MSR1: variants seen among roughly 807,000 people sequenced by gnomAD.
MSR1 encodes the protein macrophage scavenger receptor 1, also known as macrophage scavenger receptor types I and II.
Under a neutral mutation model 47.2 loss-of-function variants are expected in MSR1, and 53 were observed. The ratio of observed to expected loss-of-function variants is 1.12; its 90% confidence interval spans 0.90 to 1.41. The LOEUF (loss-of-function observed/expected upper bound fraction) is 1.41, where lower values mean the gene tolerates loss of function less well. Among genes scored for constraint, MSR1 ranks in the 40% most tolerant of loss-of-function variants. The probability of loss-of-function intolerance (pLI) is 0.00; values close to 1 mark genes in which losing one functional copy is unlikely to be tolerated. For missense variants in MSR1, 786 were observed against 546.9 expected (o/e 1.44, Z -4.36); for synonymous variants, 239 against 185.6 (o/e 1.29, Z -2.34).
At chr8:16,123,340 A>G (rs558015284) in intron 8 of MSR1, among the ~76,000 whole-genome samples, 1 of 152,282 alleles carries the variant, frequency 6.6e-6, no homozygotes, top group Non-Finnish European at 1.5e-5. Context: ...TTCACCTACT[A>G]TTCAACTGCT....
chr8:16,120,654 C>G, intron 8 of MSR1, 48 bp from the exon 9 acceptor site: 1 of 1,512,360 alleles, frequency 6.6e-7, no homozygotes. Context: ...CAAGCAAGGA[C>G]TAATTATGTA....
At chr8:16,121,406 T>C (rs1338011453) in intron 8 of MSR1, among the ~76,000 whole-genome samples, 1 of 152,052 alleles carries the variant, frequency 6.6e-6, no homozygotes, top group Non-Finnish European at 1.5e-5. Flanking sequence ...AAGATTTACA[T>C]AAATATGAAA....
At chr8:16,125,092 G>A (rs1435488473) in intron 8 of MSR1, among the ~76,000 whole-genome samples, 1 of 152,098 alleles carries the variant, frequency 6.6e-6, no homozygotes, top group East Asian at 1.9e-4. Context: ...AGCTTTTGGT[G>A]GGAGGCTCTG....
In MSR1 at chr8:16,108,820, A is replaced by G. The variant is rs180735560; in HGVS notation, c.*1265T>C. ...TTATTATGTGTGGTGAGACTTCAGA[A>G]TATGAAAAAATGCTTAAGCTTATGC... is the stretch of plus-strand genomic sequence containing the variant. On this transcript the variant is annotated 3_prime_UTR_variant, in exon 10 of 10. Coordinates refer to ENST00000262101, the MANE Select transcript of MSR1 (RefSeq NM_138715.3). 284 of 152,298 alleles carry G rather than the reference A, an allele frequency of 1.9e-3. No homozygotes were observed. The highest frequency in any genetic ancestry group is 6.0e-3 in the African/African-American group (249 of 41,582). The allele number at this position is 152,298 out of a possible 1,614,324, so 9.4% of individuals were successfully genotyped here.
At chr8:16,148,496 A>G (rs1250469247) in intron 7 of MSR1, among the ~76,000 whole-genome samples, 2 of 148,952 alleles carry the variant, frequency 1.3e-5, no homozygotes, top group Non-Finnish European at 3.0e-5. Flanking sequence ...TCTCACTGTT[A>G]CCCAGGCTGG....
At chr8:16,190,161 G>A (rs1802158115) in intron 1 of MSR1, among the ~76,000 whole-genome samples, 4 of 152,140 alleles carry the variant, frequency 2.6e-5, no homozygotes, top group Admixed American at 2.6e-4. Context: ...GCCTCCCAAA[G>A]TGCTGGGATT....
chr8:16,163,536 C>CTA (rs1209068358), intron 5 of MSR1, among the ~76,000 whole-genome samples: 1 of 150,812 alleles, frequency 6.6e-6, no homozygotes, highest in African/African-American at 2.4e-5. Flanking sequence ...AACTGAAAGC[C>CTA]TATATATATA....
chr8:16,135,702 T>A (rs1005485533), intron 8 of MSR1, among the ~76,000 whole-genome samples: 4 of 152,212 alleles, frequency 2.6e-5, no homozygotes, highest in African/African-American at 7.2e-5. Context: ...CAAAGTAAAT[T>A]GAAAACTTTT....
At chr8:16,169,351 A>T (rs1801415857) in intron 3 of MSR1, among the ~76,000 whole-genome samples, 1 of 152,160 alleles carries the variant, frequency 6.6e-6, no homozygotes, top group Admixed American at 6.5e-5. Context: ...CATAATATGG[A>T]TAAATTGTTG....
chr8:16,166,326 T>TG lies in MSR1; in HGVS notation c.631-2076_631-2075insC, dbSNP rs1315917356. Among the ~76,000 whole-genome samples the TG allele has an allele frequency of 1.4e-4, 20 of 147,894 alleles. 1 individual carries two copies. In the East Asian group the frequency reaches 3.6e-3, roughly 26 times the overall value. On this transcript the variant is annotated intron_variant, in intron 4 of 9. Coordinates refer to ENST00000262101, the MANE Select transcript of MSR1 (RefSeq NM_138715.3). Reference sequence around the variant, plus strand: ...GTGCACACTACCACACCTGACTAATTTTTTTTTTTTTAATTTTGTAGAGAT... The same window carrying TG: ...GTGCACACTACCACACCTGACTAATTGTTTTTTTTTTTAATTTTGTAGAGAT...
intron 9 of MSR1, among the ~76,000 whole-genome samples, chr8:16,115,852 T>C (rs1454249343): frequency 1.3e-5 from 2 of 151,992 alleles, no homozygotes; most frequent in Non-Finnish European, 2.9e-5. Context: ...GCCAGGTATG[T>C]GGTGCAGGCC....
At chr8:16,131,399 A>C (rs1423425744) in intron 8 of MSR1, among the ~76,000 whole-genome samples, 2 of 145,176 alleles carry the variant, frequency 1.4e-5, no homozygotes, top group African/African-American at 5.2e-5. Context: ...ATAGTTTGCA[A>C]ATATTTTCTC....
chr8:16,130,742 T>G (rs879624312), intron 8 of MSR1, among the ~76,000 whole-genome samples: 2 of 151,980 alleles, frequency 1.3e-5, no homozygotes, highest in African/African-American at 2.4e-5. Flanking sequence ...TGTTTGGTTT[T>G]CTGCTTGTGT....
intron 2 of MSR1, 93 bp from the exon 3 acceptor site, chr8:16,175,393 C>A: frequency 9.8e-7 from 1 of 1,024,604 alleles, no homozygotes; most frequent in Non-Finnish European, 1.5e-6. Context: ...TTCTTACTAC[C>A]AAGCCTATTG....
intron 5 of MSR1, among the ~76,000 whole-genome samples, chr8:16,158,208 C>A (rs1001671857): frequency 3.3e-5 from 5 of 151,906 alleles, no homozygotes; most frequent in Non-Finnish European, 5.9e-5. Context: ...TTTCCAATTA[C>A]AGTTACAGGA....
intron 8 of MSR1, among the ~76,000 whole-genome samples, chr8:16,137,078 G>C (rs1443189865): frequency 1.3e-5 from 2 of 152,030 alleles, no homozygotes; most frequent in South Asian, 2.1e-4. Context: ...AGAGACATTG[G>C]AGCAGCCAAA....
At chr8:16,146,428 T>A (rs945728469) in intron 7 of MSR1, among the ~76,000 whole-genome samples, 1 of 151,994 alleles carries the variant, frequency 6.6e-6, no homozygotes, top group Non-Finnish European at 1.5e-5. Context: ...CTCTTCCTCC[T>A]CCTCTGCATA....
chr8:16,134,201 T>C (rs1052597699), intron 8 of MSR1, among the ~76,000 whole-genome samples: 2 of 152,174 alleles, frequency 1.3e-5, no homozygotes, highest in African/African-American at 4.8e-5. Flanking sequence ...CTTGGTTCCA[T>C]TTTAGCAATA....
chr8:16,157,261 A>G (rs556540822), intron 5 of MSR1, among the ~76,000 whole-genome samples: 1 of 151,972 alleles, frequency 6.6e-6, no homozygotes, highest in East Asian at 1.9e-4. Context: ...GATGGAAGGA[A>G]CTCTCCTAAT....
Sources: gnomAD v4.1 joint callset for allele counts (sites outside exome capture counted in the v4.1 genomes callset) on GRCh38, gnomAD v4.1.1 for gene constraint, MANE v1.5 for transcripts, NCBI Gene and HGNC (gene_info 2026-07-23, HGNC 2026-07-21) for gene names.